Variants in PALS1 observed in about 807,000 individuals in gnomAD.
PALS1 encodes protein PALS1.
PALS1 carries 31 observed loss-of-function variants against 78.9 expected under a neutral mutation model. The observed-to-expected ratio is 0.39, with a 90% CI of 0.30 to 0.53. The LOEUF (loss-of-function observed/expected upper bound fraction) is 0.53. PALS1 is among the 20% of genes least tolerant of loss of function. PALS1 has a pLI of 0.67. For synonymous variants in PALS1, 276 were observed against 270.9 expected, an observed-to-expected ratio of 1.02 and a Z score of -0.18; for missense variants, 704 against 826.5, an observed-to-expected ratio of 0.85 and a Z score of 1.82.
chr14:67,323,788 G>A lies in PALS1; in HGVS notation c.1827G>A (p.Leu609=). The A allele has an allele frequency of 6.3e-7, 1 of 1,582,386 alleles. No individual in the cohort carries two copies. The highest frequency in any genetic ancestry group is 8.6e-7 in the Non-Finnish European group (1 of 1,162,036). The change falls in exon 14 of 15, where the codon TTG becomes TTA. Residue 609 remains leucine (L), a synonymous_variant. Transcript: ENST00000261681. ...PPSQERLRAL[L]AKEGKNPKPE... ...CACAAGAAAGACTTCGGGCATTATT[G>A]GCCAAAGAAGGCAAGAATCCAAAGG...
At chr14:67,306,944 T>A (rs2085013605) in intron 8 of PALS1, among the ~76,000 whole-genome samples, 2 of 152,218 alleles carry the variant, frequency 1.3e-5, no homozygotes, top group East Asian at 3.8e-4. Flanking sequence ...TCTTCCTGAT[T>A]TATGTTTTGT....
At chr14:67,304,782 A>T (rs987143462) in intron 8 of PALS1, among the ~76,000 whole-genome samples, 2 of 151,744 alleles carry the variant, frequency 1.3e-5, no homozygotes, top group African/African-American at 4.9e-5. Context: ...TGAATTGTAT[A>T]TGAATTATAT....
chr14:67,277,561 G>A lies in PALS1; in HGVS notation c.-153-1457G>A, dbSNP rs1045823746. Among the ~76,000 whole-genome samples, 13 of 151,884 alleles carry A rather than the reference G, an allele frequency of 8.6e-5. No individual in the cohort carries two copies. In the East Asian group the frequency reaches 2.5e-3, roughly 29 times the overall value. On this transcript the variant is annotated intron_variant, in intron 2 of 14. Transcript: ENST00000261681. ...CTAAAGTGATGCCCAACTCAAGGAGGTAGTAGGTTTATTACTGTAAATATT... is the reference window on the plus strand; with the variant it reads ...CTAAAGTGATGCCCAACTCAAGGAGATAGTAGGTTTATTACTGTAAATATT...
intron 9 of PALS1, among the ~76,000 whole-genome samples, chr14:67,313,421 T>TA (rs1463774510): frequency 6.6e-6 from 1 of 152,206 alleles, no homozygotes; most frequent in Non-Finnish European, 1.5e-5. Flanking sequence ...TGGTATAGCC[T>TA]ATTCCTCCAA....
chr14:67,279,550 A>G lies in PALS1; in HGVS notation c.367+13A>G. 1 of 1,518,050 alleles carries G rather than the reference A, an allele frequency of 6.6e-7. No individual in the cohort carries two copies. The highest frequency in any genetic ancestry group is 8.8e-7 in the Non-Finnish European group (1 of 1,136,188). 94.0% of individuals were successfully genotyped at this position (1,518,050 alleles called of 1,614,324 possible). ...GTGAAAATATTAGGTAAGTAAAAAT[A>G]GAGGTATAACAGAAAACATTTTGCT... is the stretch of plus-strand genomic sequence containing the variant. On this transcript the variant is annotated intron_variant, in intron 3 of 14. Transcript: ENST00000261681.
intron 14 of PALS1, among the ~76,000 whole-genome samples, chr14:67,325,979 C>CTT (rs61592505): frequency 0.038 from 4,210 of 110,170 alleles, 361 homozygotes; most frequent in African/African-American, 0.15. Context: ...CGGCTCTTTT[C>CTT]TTTTTTTTTT....
chr14:67,308,157 A>T (rs2085033769), intron 8 of PALS1, among the ~76,000 whole-genome samples: 1 of 151,968 alleles, frequency 6.6e-6, no homozygotes, highest in African/African-American at 2.4e-5. Context: ...GTGATGAAAT[A>T]ATCTGTACAA....
rs537160640 is a variant in PALS1, at chr14:67,242,895, G to A, written c.-237+1362G>A. 2.6e-5 allele frequency among the ~76,000 whole-genome samples: 4 copies of A among 152,286 alleles called. No individual in the cohort carries two copies. In the South Asian group the frequency reaches 8.3e-4, roughly 32 times the overall value. ...AATTTGTTTTAGAATGTTAAAACGG[G>A]AGAGAATATATAAGTTCTACTTGAG... On this transcript the variant is annotated intron_variant, in intron 1 of 14. Transcript: ENST00000261681.
intron 2 of PALS1, among the ~76,000 whole-genome samples, chr14:67,273,268 C>G (rs1359725923): frequency 1.3e-5 from 2 of 150,016 alleles, no homozygotes; most frequent in Non-Finnish European, 1.5e-5. Flanking sequence ...GCTCCCCCCT[C>G]CCACCTCCCC....
intron 8 of PALS1, 27 bp from the exon 9 acceptor site, chr14:67,312,497 ATTG>A: frequency 7.1e-7 from 1 of 1,403,664 alleles, no homozygotes; most frequent in South Asian, 1.6e-5. Flanking sequence ...ATTGCCATTT[ATTG>A]TTGTTTTTGC....
chr14:67,310,757 TAATAA>T (rs2085075741), intron 8 of PALS1, among the ~76,000 whole-genome samples: 1 of 152,238 alleles, frequency 6.6e-6, no homozygotes, highest in African/African-American at 2.4e-5. Context: ...TTATAGAAGT[TAATAA>T]AATATTCTTT....
Position 67,292,602 on chromosome 14 carries a change from T to G in PALS1, c.459T>G (p.Leu153=), listed in dbSNP as rs769132619. 3 of 1,613,560 alleles carry G rather than the reference T, an allele frequency of 1.9e-6. No individual in the cohort carries two copies. The African/African-American group carries it at 4.0e-5, about 22-fold the overall frequency. The change falls in exon 4 of 15, where the codon CTT becomes CTG. Residue 153 remains leucine, a synonymous_variant. Transcript: ENST00000261681. ...SQEDISLLLQ[L]VQNKDFQNAF... is the part of the protein sequence containing the mutation. ...AGGATATTTCACTGCTTTTACAACT[T>G]GTTCAAAATAAGGATTTCCAGAATG...
intron 1 of PALS1, among the ~76,000 whole-genome samples, chr14:67,257,761 C>A (rs1395141999): frequency 6.6e-6 from 1 of 152,046 alleles, no homozygotes; most frequent in Non-Finnish European, 1.5e-5. Flanking sequence ...GTTCTCTATG[C>A]AGAACTCAGG....
At chr14:67,322,688 T>C (rs2085279792) in intron 13 of PALS1, among the ~76,000 whole-genome samples, 1 of 152,234 alleles carries the variant, frequency 6.6e-6, no homozygotes, top group Non-Finnish European at 1.5e-5. Context: ...TCTTTAGAGT[T>C]CTTTATATTA....
Position 67,320,272 on chromosome 14 carries a change from T to C in PALS1, c.1412T>C (p.Leu471Pro). The C allele has an allele frequency of 1.9e-6, 3 of 1,613,658 alleles. No individual in the cohort carries two copies. The highest frequency in any genetic ancestry group is 2.5e-6 in the Non-Finnish European group (3 of 1,179,806). The change falls in exon 12 of 15, where the codon CTT (leucine) becomes CCT (proline). Residue 471 changes from leucine (L) to proline (P), a missense_variant. Transcript: ENST00000261681. ...EEILTYEEMS[L>P]YHQPANRKRP... The stretch of plus-strand genomic sequence containing the variant: ...ATCTTAACCTATGAGGAAATGTCAC[T>C]TTATCATCAGCCAGCAAATAGGAAG...
At chr14:67,303,848 A>ACCTATGCCTT (rs1352438976) in intron 8 of PALS1, among the ~76,000 whole-genome samples, 1 of 151,864 alleles carries the variant, frequency 6.6e-6, no homozygotes, top group Non-Finnish European at 1.5e-5. Flanking sequence ...GCTCACTGCA[A>ACCTATGCCTT]CCTATGCCTT....
intron 1 of PALS1, among the ~76,000 whole-genome samples, chr14:67,252,256 C>G (rs2140447570): frequency 6.6e-6 from 1 of 152,212 alleles, no homozygotes; most frequent in South Asian, 2.1e-4. Context: ...GTGGCATGAT[C>G]ATAGCTCACT....
At chr14:67,292,429 T>C in intron 3 of PALS1, 82 bp from the exon 4 acceptor site, 1 of 947,340 alleles carries the variant, frequency 1.1e-6, no homozygotes, top group Non-Finnish European at 1.6e-6. Context: ...TTGTTACTGG[T>C]TCAAAGAAAT....
chr14:67,315,954 C>G (rs2085167419), intron 9 of PALS1, among the ~76,000 whole-genome samples: 1 of 152,244 alleles, frequency 6.6e-6, no homozygotes, highest in Admixed American at 6.5e-5. Context: ...TTTAATGCTT[C>G]TTATGTGTAT....
Sources: gnomAD v4.1 joint callset for allele counts (sites outside exome capture counted in the v4.1 genomes callset) on GRCh38, gnomAD v4.1.1 for gene constraint, MANE v1.5 for transcripts, NCBI Gene and HGNC (gene_info 2026-07-23, HGNC 2026-07-21) for gene names.